RANBP17: variants seen among roughly 807,000 people sequenced by gnomAD.
RANBP17 encodes ran-binding protein 17.
RANBP17 carries 158 observed loss-of-function variants against 141.2 expected under a neutral mutation model. The observed-to-expected ratio is 1.12, with a 90% CI of 0.98 to 1.28. RANBP17 has a LOEUF of 1.28. Ranked by LOEUF, RANBP17 falls within the 50% of genes most tolerant of loss-of-function variation. The probability of loss-of-function intolerance (pLI) is 0.00; values close to 1 mark genes in which losing one functional copy is unlikely to be tolerated. For synonymous variants in RANBP17, 430 were observed against 450.0 expected, an observed-to-expected ratio of 0.96 and a Z score of 0.56; for missense variants, 1,438 against 1,290.7, an observed-to-expected ratio of 1.11 and a Z score of -1.75.
chr5:171,158,340 C>T lies in RANBP17; in HGVS notation c.1711-11790C>T, dbSNP rs527590392. The T allele has an allele frequency of 1.1e-3, 203 of 184,848 alleles. 9 individuals carry two copies. In the South Asian group the frequency reaches 0.038, roughly 35 times the overall value. 11.5% of individuals were successfully genotyped at this position (184,848 alleles called of 1,614,324 possible). The stretch of plus-strand genomic sequence containing the variant: ...GAATTTTGTTTTCCCCTAGGCCTTG[C>T]GTGGCTCCCCAGCGCCAGTATCCCT... On this transcript the variant is annotated intron_variant, in intron 14 of 27. Coordinates refer to ENST00000523189, the MANE Select transcript of RANBP17 (RefSeq NM_022897.5).
intron 14 of RANBP17, among the ~76,000 whole-genome samples, chr5:171,114,241 T>C (rs186866709): frequency 1.9e-3 from 293 of 152,230 alleles, no homozygotes; most frequent in Non-Finnish European, 3.5e-3. Context: ...ACCTCATATT[T>C]CAGAACCTTT....
rs190232450 is a variant in RANBP17, at chr5:170,927,856, T to C, written c.1468+3306T>C. On this transcript the variant is annotated intron_variant, in intron 12 of 27. Coordinates refer to ENST00000523189, the MANE Select transcript of RANBP17 (RefSeq NM_022897.5). Reference sequence around the variant, plus strand: ...ACATTTTTAGACAAGTCTTTGTATGTAGAAGAAATTTTCATTTCTTTTGGA... The same window carrying C: ...ACATTTTTAGACAAGTCTTTGTATGCAGAAGAAATTTTCATTTCTTTTGGA... Among the ~76,000 whole-genome samples the C allele has an allele frequency of 3.0e-4, 46 of 152,228 alleles. 2 individuals are homozygous for C. The highest frequency in any genetic ancestry group is 1.1e-3 in the African/African-American group (45 of 41,572).
At chr5:171,142,125 T>TA (rs1757744155) in intron 14 of RANBP17, among the ~76,000 whole-genome samples, 1 of 152,242 alleles carries the variant, frequency 6.6e-6, no homozygotes, top group South Asian at 2.1e-4. Flanking sequence ...GTTAAATTTC[T>TA]ACCTGTTACG....
rs1763574657 is a variant in RANBP17, at chr5:171,221,765, C to T, written c.2347C>T (p.Arg783Cys). 5.6e-6 allele frequency: 9 copies of T among 1,602,530 alleles called. No individual in the cohort carries two copies. Among genetic ancestry groups the T allele is most frequent in the East Asian group, 2.2e-5 (1 of 44,738 alleles). Residue 783 changes from arginine (R) to cysteine (C), a missense_variant, in exon 22 of 28, where the codon CGT (arginine) becomes TGT (cysteine). Arg to Cys is a radical substitution (Grantham distance 180). Transcript: ENST00000523189. Reference protein sequence around the residue: ...MAELMQNRSQRLNFDVSSPNG... With the variant: ...MAELMQNRSQCLNFDVSSPNG... ...TTTTTCTATATTTCTTAGATCCCAG[C>T]GTTTGAATTTTGATGTATCATCTCC...
rs1785708862 is a variant in RANBP17 at position 171,086,905 on chromosome 5, A to C, written c.1711-83225A>C. On this transcript the variant is annotated intron_variant, in intron 14 of 27. Transcript: ENST00000523189. ...GTCTATCAATTTTGTTGATCCTTTC[A>C]AAAAACCAGCTCCTGGATTCATTGA... 4.3e-5 allele frequency among the ~76,000 whole-genome samples: 6 copies of C among 140,586 alleles called. No homozygotes were observed. In the South Asian group the frequency reaches 1.5e-3, roughly 35 times the overall value. 92.2% of individuals were successfully genotyped at this position (140,586 alleles called of 152,430 possible). A position where few individuals can be genotyped will look rare whatever the true frequency, so the allele number is the denominator to read the frequency against.
At chr5:171,123,260 A>T (rs1756177669) in intron 14 of RANBP17, among the ~76,000 whole-genome samples, 2 of 152,038 alleles carry the variant, frequency 1.3e-5, no homozygotes, top group South Asian at 2.1e-4. Context: ...GTACCCACAC[A>T]TGTCATCCAG....
At chr5:171,283,721 G>A (rs1057084704) in intron 25 of RANBP17, among the ~76,000 whole-genome samples, 3 of 152,210 alleles carry the variant, frequency 2.0e-5, no homozygotes, top group African/African-American at 7.2e-5. Flanking sequence ...ACCCTAAGCA[G>A]TGTGCATATC....
In RANBP17 at chr5:171,139,017, C is replaced by T. The variant is rs11953646; in HGVS notation, c.1711-31113C>T. Among the ~76,000 whole-genome samples the T allele has an allele frequency of 9.1e-3, 1,384 of 152,046 alleles. 18 individuals carry two copies. The highest frequency in any genetic ancestry group is 0.031 in the African/African-American group (1,297 of 41,482). ...ACTCGAGCCCAAGAGTTCACAGCTA[C>T]GATGAGCTGTGATCATGCCACTTGC... On this transcript the variant is annotated intron_variant, in intron 14 of 27. Coordinates refer to ENST00000523189, the MANE Select transcript of RANBP17 (RefSeq NM_022897.5).
At chr5:171,278,161 G>C (rs752888958) in intron 25 of RANBP17, among the ~76,000 whole-genome samples, 14 of 151,762 alleles carry the variant, frequency 9.2e-5, no homozygotes, top group African/African-American at 3.4e-4. Context: ...GAAGCAGGAG[G>C]ATTGCTTGAG....
At chr5:171,288,567 G>A (rs1236449996) in intron 25 of RANBP17, among the ~76,000 whole-genome samples, 2 of 152,220 alleles carry the variant, frequency 1.3e-5, no homozygotes, top group Non-Finnish European at 2.9e-5. Flanking sequence ...TCACATCCTG[G>A]TAGCTGCAGT....
chr5:171,061,305 A>C (rs1783829000), intron 14 of RANBP17, among the ~76,000 whole-genome samples: 1 of 152,100 alleles, frequency 6.6e-6, no homozygotes, highest in Non-Finnish European at 1.5e-5. Context: ...ATTTAGTACT[A>C]TAAATTTCCC....
intron 14 of RANBP17, among the ~76,000 whole-genome samples, chr5:171,105,846 G>A (rs1389826243): frequency 6.6e-6 from 1 of 152,144 alleles, no homozygotes; most frequent in Non-Finnish European, 1.5e-5. Context: ...CCATTCTGAG[G>A]TTGTGGGGAT....
At position 171,072,470 on chromosome 5, in the gene RANBP17, A is replaced by T. The variant is rs145010437; in HGVS notation, c.1711-97660A>T. 4.7e-3 allele frequency among the ~76,000 whole-genome samples: 718 copies of T among 152,236 alleles called. 9 individuals are homozygous for T. Among genetic ancestry groups the T allele is most frequent in the African/African-American group, 0.013 (522 of 41,562 alleles). ...GCTAATTGAAAAAAAAAAAGACAAA[A>T]GATCTGAATAGGTACTTCTCCAAAG... On this transcript the variant is annotated intron_variant, in intron 14 of 27. Coordinates refer to ENST00000523189, the MANE Select transcript of RANBP17 (RefSeq NM_022897.5).
At chr5:171,112,198 G>A (rs1304375016) in intron 14 of RANBP17, among the ~76,000 whole-genome samples, 1 of 152,062 alleles carries the variant, frequency 6.6e-6, no homozygotes, top group African/African-American at 2.4e-5. Flanking sequence ...TGCTTGGTGA[G>A]CAGGGATAAC....
At chr5:170,888,359 C>G (rs992560742) in intron 3 of RANBP17, among the ~76,000 whole-genome samples, 3 of 151,996 alleles carry the variant, frequency 2.0e-5, no homozygotes, top group Non-Finnish European at 4.4e-5. Context: ...AATATGTATT[C>G]ATTTATTTAG....
At chr5:171,159,508 G>A (rs1759165430) in intron 14 of RANBP17, among the ~76,000 whole-genome samples, 1 of 152,130 alleles carries the variant, frequency 6.6e-6, no homozygotes, top group African/African-American at 2.4e-5. Flanking sequence ...CTGAAAGGTA[G>A]CCCCTTTCTG....
chr5:171,268,045 C>T (rs1766843947), intron 25 of RANBP17, among the ~76,000 whole-genome samples: 1 of 151,780 alleles, frequency 6.6e-6, no homozygotes, highest in Non-Finnish European at 1.5e-5. Flanking sequence ...TTGGTGTGAC[C>T]CTGGAACTGT....
intron 1 of RANBP17, among the ~76,000 whole-genome samples, chr5:170,871,107 G>A (rs1186985752): frequency 6.6e-6 from 1 of 152,040 alleles, no homozygotes; most frequent in Non-Finnish European, 1.5e-5. Flanking sequence ...GGAGTGCAAT[G>A]GCACAATCTT....
At chr5:170,899,674 T>C (rs779078471) in intron 5 of RANBP17, among the ~76,000 whole-genome samples, 6 of 152,170 alleles carry the variant, frequency 3.9e-5, no homozygotes, top group Non-Finnish European at 7.3e-5. Flanking sequence ...ATAGCTCTTA[T>C]TATTTTGAGA....
Sources: allele counts gnomAD v4.1 joint callset (sites outside exome capture counted in the v4.1 genomes callset), GRCh38; gene constraint gnomAD v4.1.1; transcripts MANE v1.5; gene names NCBI Gene and HGNC (gene_info 2026-07-23, HGNC 2026-07-21).